Variants in ASTN1 observed in about 807,000 individuals in gnomAD.
The protein encoded by ASTN1 is astrotactin-1.
ASTN1 carries 41 observed loss-of-function variants against 140.7 expected under a neutral mutation model. That is an observed-to-expected ratio of 0.29 (90% CI 0.23 to 0.38). The LOEUF (loss-of-function observed/expected upper bound fraction) is 0.38, where lower values mean the gene tolerates loss of function less well. ASTN1 is among the 10% of genes least tolerant of loss of function. The pLI is 1.00. For missense variants in ASTN1, 1,479 were observed against 1,678.8 expected, an observed-to-expected ratio of 0.88 and a Z score of 2.08; for synonymous variants, 640 against 652.2, an observed-to-expected ratio of 0.98 and a Z score of 0.29.
At chr1:176,944,725 G>A (rs1234595133) in intron 13 of ASTN1, among the ~76,000 whole-genome samples, 1 of 152,178 alleles carries the variant, frequency 6.6e-6, no homozygotes, top group African/African-American at 2.4e-5. Context: ...TAAAGACTAT[G>A]CTTTCCTCTT....
chr1:177,005,633 AT>A (rs1308682520), intron 8 of ASTN1, among the ~76,000 whole-genome samples: 2 of 152,174 alleles, frequency 1.3e-5, no homozygotes, highest in Non-Finnish European at 2.9e-5. Flanking sequence ...TATAATACAT[AT>A]TCATATATAT....
At chr1:176,920,917 C>T (rs1299052757) in intron 16 of ASTN1, among the ~76,000 whole-genome samples, 1 of 152,166 alleles carries the variant, frequency 6.6e-6, no homozygotes, top group Non-Finnish European at 1.5e-5. Flanking sequence ...TAATTGAGGC[C>T]TATGTACCAG....
At chr1:177,071,868 T>G (rs1678654474) in intron 1 of ASTN1, among the ~76,000 whole-genome samples, 1 of 152,112 alleles carries the variant, frequency 6.6e-6, no homozygotes. Context: ...CCTGAGAAAG[T>G]GGAGTGTAGA....
At chr1:177,049,480 A>T (rs932330853) in intron 2 of ASTN1, among the ~76,000 whole-genome samples, 2 of 152,204 alleles carry the variant, frequency 1.3e-5, no homozygotes, top group African/African-American at 4.8e-5. Context: ...ATGCCAATAA[A>T]ACATGAACGC....
intron 1 of ASTN1, among the ~76,000 whole-genome samples, chr1:177,103,124 A>T (rs1440921322): frequency 6.6e-6 from 1 of 152,254 alleles, no homozygotes. Flanking sequence ...AGTGCTAAGT[A>T]CCATGTGAGC....
At chr1:176,969,679 G>C (rs974059561) in intron 8 of ASTN1, among the ~76,000 whole-genome samples, 1 of 152,126 alleles carries the variant, frequency 6.6e-6, no homozygotes, top group Non-Finnish European at 1.5e-5. Context: ...GGTCAGATGT[G>C]GGGCAGGAGG....
chr1:176,887,606 A>T (rs1278269832), intron 18 of ASTN1, among the ~76,000 whole-genome samples: 3 of 152,160 alleles, frequency 2.0e-5, no homozygotes, highest in Non-Finnish European at 4.4e-5. Flanking sequence ...TTTGTCTATT[A>T]AATGAGCAGT....
chr1:177,111,691 C>G (rs139002054), intron 1 of ASTN1, among the ~76,000 whole-genome samples: 2 of 152,114 alleles, frequency 1.3e-5, no homozygotes, highest in Admixed American at 1.3e-4. Flanking sequence ...AAGACTGGTA[C>G]GAGAGTTTAA....
intron 16 of ASTN1, among the ~76,000 whole-genome samples, chr1:176,922,330 G>T (rs1670763100): frequency 1.3e-5 from 2 of 152,056 alleles, no homozygotes; most frequent in Admixed American, 1.3e-4. Context: ...TGAATCGTAG[G>T]TCACAGGGAA....
At chr1:176,880,081 G>A (rs1668731451) in intron 20 of ASTN1, among the ~76,000 whole-genome samples, 1 of 152,190 alleles carries the variant, frequency 6.6e-6, no homozygotes, top group African/African-American at 2.4e-5. Context: ...CCAGTGGGAA[G>A]GCTCATGTGT....
At chr1:176,935,785 C>T (rs1235245750) in intron 15 of ASTN1, among the ~76,000 whole-genome samples, 2 of 151,896 alleles carry the variant, frequency 1.3e-5, no homozygotes, top group Non-Finnish European at 2.9e-5. Context: ...CTCTCTCTTT[C>T]TCTCAATCTC....
chr1:176,970,656 AG>A (rs1216460259), intron 8 of ASTN1, among the ~76,000 whole-genome samples: 1 of 152,032 alleles, frequency 6.6e-6, no homozygotes, highest in Non-Finnish European at 1.5e-5. Context: ...AAAGAAGGAA[AG>A]TAGGGAGATA....
intron 11 of ASTN1, among the ~76,000 whole-genome samples, chr1:176,953,706 C>T (rs545322660): frequency 2.0e-5 from 3 of 152,128 alleles, no homozygotes; most frequent in African/African-American, 7.2e-5. Context: ...TTGTAGATAG[C>T]ATGTGGAGGG....
chr1:177,143,720 G>T (rs1239699940), intron 1 of ASTN1, among the ~76,000 whole-genome samples: 1 of 151,980 alleles, frequency 6.6e-6, no homozygotes, highest in Non-Finnish European at 1.5e-5. Flanking sequence ...CAAAACGAAT[G>T]AAATCATAGG....
chr1:177,029,837 G>T, intron 4 of ASTN1, 96 bp from the exon 5 acceptor site: 2 of 1,169,884 alleles, frequency 1.7e-6, no homozygotes, highest in Non-Finnish European at 2.4e-6. Context: ...CAACAAAAAT[G>T]AAAGTAAGCT....
intron 1 of ASTN1, among the ~76,000 whole-genome samples, chr1:177,066,991 A>T (rs1413088051): frequency 6.6e-6 from 1 of 152,118 alleles, no homozygotes; most frequent in African/African-American, 2.4e-5. Context: ...TTCAAGGTTG[A>T]GGTTGACACT....
chr1:177,029,498 G>T, intron 5 of ASTN1, 136 bp downstream of exon 5: 1 of 887,034 alleles, frequency 1.1e-6, no homozygotes, highest in Non-Finnish European at 1.9e-6. Flanking sequence ...AACACCAGTT[G>T]TGGTCCAAAA....
At chr1:177,073,178 G>A (rs1678726104) in intron 1 of ASTN1, among the ~76,000 whole-genome samples, 1 of 152,240 alleles carries the variant, frequency 6.6e-6, no homozygotes, top group African/African-American at 2.4e-5. Flanking sequence ...GCACAGAGCT[G>A]GAAGGTAATT....
chr1:177,026,849 C>T (rs992927188), intron 5 of ASTN1, among the ~76,000 whole-genome samples: 2 of 152,142 alleles, frequency 1.3e-5, no homozygotes, highest in African/African-American at 2.4e-5. Context: ...CCACCTGTTC[C>T]CCTGCCTCAA....
Sources: gnomAD v4.1 joint callset for allele counts (sites outside exome capture counted in the v4.1 genomes callset) on GRCh38, gnomAD v4.1.1 for gene constraint, MANE v1.5 for transcripts, NCBI Gene and HGNC (gene_info 2026-07-23, HGNC 2026-07-21) for gene names.